Variants in TTC9 observed in about 807,000 individuals in gnomAD.
The protein encoded by TTC9 is tetratricopeptide repeat domain 9.
In TTC9, 13 loss-of-function variants were observed where a neutral mutation model predicts 22.9. That is an observed-to-expected ratio of 0.57 (90% confidence interval 0.37 to 0.90). The LOEUF (loss-of-function observed/expected upper bound fraction) is 0.90, where lower values mean the gene tolerates loss of function less well. Among genes scored for constraint, TTC9 ranks in the 40% least tolerant of loss-of-function variants. TTC9 has a pLI of 0.01. For synonymous variants in TTC9, 148 were observed against 133.2 expected (o/e 1.11, Z -0.77); for missense variants, 280 against 291.8 (o/e 0.96, Z 0.29).
chr14:70,652,015 T>TAC (rs1885992197), intron 1 of TTC9, among the ~76,000 whole-genome samples: 1 of 151,916 alleles, frequency 6.6e-6, no homozygotes, highest in Admixed American at 6.6e-5. Flanking sequence ...TAGTCCAGGC[T>TAC]CTGCTGCTAA....
chr14:70,644,524 ATTC>A lies in TTC9; in HGVS notation c.406+1994_406+1996del, dbSNP rs529824926. 2.3e-3 allele frequency among the ~76,000 whole-genome samples: 345 copies of A among 152,300 alleles called. 1 individual carries two copies. The highest frequency in any genetic ancestry group is 7.4e-3 in the African/African-American group (306 of 41,554). On this transcript the variant is annotated intron_variant, in intron 1 of 2. Transcript: ENST00000256367. The stretch of plus-strand genomic sequence containing the variant: ...AGAAAAAGCTCAAGGCTCCGGAGCC[ATTC>A]TTCTCCAAAGGCAATGTTCTTGTCA...
In TTC9 at chr14:70,671,408, C is replaced by T. The variant is rs570696203; in HGVS notation, c.*253C>T. 7 of 399,838 alleles carry T rather than the reference C, an allele frequency of 1.8e-5. No homozygotes were observed. The highest frequency in any genetic ancestry group is 1.5e-4 in the South Asian group (6 of 40,434). The allele number at this position is 399,838 out of a possible 1,614,324, so 24.8% of individuals were successfully genotyped here. On this transcript the variant is annotated 3_prime_UTR_variant, in exon 3 of 3. Transcript: ENST00000256367. ...AGGTCAGCGACTGAGAGGGGCCTGA[C>T]TTCTGCTGGGACAGCTGGAGAGGAG...
At chr14:70,666,857 TGATGATGATGAA>T (rs1448895097) in intron 1 of TTC9, among the ~76,000 whole-genome samples, 3 of 152,162 alleles carry the variant, frequency 2.0e-5, no homozygotes, top group African/African-American at 4.8e-5. Flanking sequence ...ATGATGGTGA[TGATGATGATGAA>T]GATGATGATG....
intron 1 of TTC9, among the ~76,000 whole-genome samples, chr14:70,653,875 T>G (rs2139643243): frequency 6.6e-6 from 1 of 152,256 alleles, no homozygotes; most frequent in East Asian, 1.9e-4. Flanking sequence ...AAGAAGGCTT[T>G]CTGGTGGGAA....
At chr14:70,643,707 G>T (rs777396195) in intron 1 of TTC9, among the ~76,000 whole-genome samples, 1 of 144,192 alleles carries the variant, frequency 6.9e-6, no homozygotes, top group Non-Finnish European at 1.5e-5. Context: ...ATTCTGCTCG[G>T]TTCTTAAATG....
chr14:70,649,388 C>G (rs944075943), intron 1 of TTC9, among the ~76,000 whole-genome samples: 1 of 152,168 alleles, frequency 6.6e-6, no homozygotes, highest in African/African-American at 2.4e-5. Flanking sequence ...GGCTTGGGGG[C>G]TGGGTATATA....
chr14:70,643,827 C>G (rs564045206), intron 1 of TTC9, among the ~76,000 whole-genome samples: 1 of 152,154 alleles, frequency 6.6e-6, no homozygotes, highest in Non-Finnish European at 1.5e-5. Context: ...TACGGAGGCA[C>G]TTTGTAAATT....
At chr14:70,646,693 A>G (rs1885906295) in intron 1 of TTC9, among the ~76,000 whole-genome samples, 1 of 152,136 alleles carries the variant, frequency 6.6e-6, no homozygotes, top group Non-Finnish European at 1.5e-5. Context: ...CCATTTTCCC[A>G]TCTACTCAGA....
chr14:70,659,126 A>ACATG (rs1555362245), intron 1 of TTC9, among the ~76,000 whole-genome samples: 3 of 131,544 alleles, frequency 2.3e-5, no homozygotes, highest in Middle Eastern at 3.6e-3. Context: ...CTAAACACAC[A>ACATG]CACACGCACA....
intron 1 of TTC9, among the ~76,000 whole-genome samples, chr14:70,651,266 G>A (rs1885981564): frequency 6.6e-6 from 1 of 152,192 alleles, no homozygotes; most frequent in South Asian, 2.1e-4. Context: ...ACAGGCGTGA[G>A]CCACTGCACC....
At position 70,671,212 on chromosome 14, in the gene TTC9, C is replaced by T. The variant is rs1246280116; in HGVS notation, c.*57C>T. 3 of 1,470,356 alleles carry T rather than the reference C, an allele frequency of 2.0e-6. No individual in the cohort carries two copies. The African/African-American group carries it at 4.2e-5, about 21-fold the overall frequency. 91.1% of individuals were successfully genotyped at this position (1,470,356 alleles called of 1,614,324 possible). ...CTGACCGGGGACTTCCAGGCATCCC[C>T]TGGCAGAGAGCCCCGTCCTGGATTC... On this transcript the variant is annotated 3_prime_UTR_variant, in exon 3 of 3. Coordinates refer to ENST00000256367, the MANE Select transcript of TTC9 (RefSeq NM_015351.2).
In TTC9 at chr14:70,671,228, T is replaced by C. The variant is rs1594742895; in HGVS notation, c.*73T>C. On this transcript the variant is annotated 3_prime_UTR_variant, in exon 3 of 3. Transcript: ENST00000256367. ...AGGCATCCCCTGGCAGAGAGCCCCG[T>C]CCTGGATTCTGTCCCTTTCTCCCCA... The C allele has an allele frequency of 1.5e-6, 2 of 1,309,762 alleles. No individual in the cohort carries two copies. The highest frequency in any genetic ancestry group is 2.2e-6 in the Non-Finnish European group (2 of 920,926). The allele number at this position is 1,309,762 out of a possible 1,614,324, so 81.1% of individuals were successfully genotyped here.
At chr14:70,656,117 T>G (rs1886061910) in intron 1 of TTC9, among the ~76,000 whole-genome samples, 1 of 151,938 alleles carries the variant, frequency 6.6e-6, no homozygotes, top group Non-Finnish European at 1.5e-5. Context: ...AAAAGATAAT[T>G]TATTCCTTTA....
At position 70,660,112 on chromosome 14, in the gene TTC9, G is replaced by T. The variant is rs548801246; in HGVS notation, c.407-7452G>T. Among the ~76,000 whole-genome samples the T allele has an allele frequency of 2.3e-4, 35 of 152,326 alleles. No individual in the cohort carries two copies. The South Asian group carries it at 4.6e-3, about 20-fold the overall frequency. Reference sequence around the variant, plus strand: ...GGTGCAGGGCCATATTCTCTTGAGTGCATCATGCAGCACCTCATCCTTCTG... The same window carrying T: ...GGTGCAGGGCCATATTCTCTTGAGTTCATCATGCAGCACCTCATCCTTCTG... On this transcript the variant is annotated intron_variant, in intron 1 of 2. Transcript: ENST00000256367.
At chr14:70,648,764 C>T (rs926775642) in intron 1 of TTC9, among the ~76,000 whole-genome samples, 14 of 152,174 alleles carry the variant, frequency 9.2e-5, no homozygotes, top group African/African-American at 2.4e-4. Context: ...CAAAATTTTC[C>T]GTTTCACCCA....
intron 1 of TTC9, among the ~76,000 whole-genome samples, chr14:70,648,609 A>C (rs1322436745): frequency 6.6e-6 from 1 of 152,242 alleles, no homozygotes; most frequent in South Asian, 2.1e-4. Context: ...CAGATTCACT[A>C]TAAGGAAATC....
At chr14:70,655,044 T>A (rs1398477753) in intron 1 of TTC9, among the ~76,000 whole-genome samples, 1 of 152,178 alleles carries the variant, frequency 6.6e-6, no homozygotes, top group Admixed American at 6.5e-5. Flanking sequence ...AAACTTAGAC[T>A]ATGTAAGGAG....
At chr14:70,655,656 C>T (rs891544048) in intron 1 of TTC9, among the ~76,000 whole-genome samples, 2 of 152,142 alleles carry the variant, frequency 1.3e-5, no homozygotes, top group African/African-American at 2.4e-5. Flanking sequence ...CCTCCCCTCC[C>T]ACAGGATGCT....
intron 2 of TTC9, among the ~76,000 whole-genome samples, chr14:70,669,079 C>G (rs932839169): frequency 4.0e-5 from 6 of 151,708 alleles, no homozygotes; most frequent in Admixed American, 2.0e-4. Flanking sequence ...TCACTTGAAC[C>G]CAGGAGGCGG....
Sources: gnomAD v4.1 joint callset for allele counts (sites outside exome capture counted in the v4.1 genomes callset) on GRCh38, gnomAD v4.1.1 for gene constraint, MANE v1.5 for transcripts, NCBI Gene and HGNC (gene_info 2026-07-23, HGNC 2026-07-21) for gene names.